Variants in SFSWAP observed in about 807,000 individuals in gnomAD.
SFSWAP encodes the protein splicing factor SWAP.
A neutral mutation model predicts 100.7 loss-of-function variants in SFSWAP; 17 were observed. The ratio of observed to expected loss-of-function variants is 0.17; its 90% CI spans 0.12 to 0.25. The LOEUF (loss-of-function observed/expected upper bound fraction) is 0.25. SFSWAP is among the 10% of genes least tolerant of loss of function. The probability of loss-of-function intolerance (pLI) is 1.00; values close to 1 mark genes in which losing one functional copy is unlikely to be tolerated. For missense variants in SFSWAP, 1,005 were observed against 1,262.6 expected (o/e 0.80, Z 3.09); for synonymous variants, 504 against 510.1 (o/e 0.99, Z 0.16).
intron 13 of SFSWAP, 150 bp downstream of exon 13, chr12:131,766,458 C>T: frequency 2.7e-6 from 2 of 737,382 alleles, no homozygotes; most frequent in East Asian, 2.6e-5. Flanking sequence ...GTGGCTTTTA[C>T]TCTATAGCAG....
intron 3 of SFSWAP, among the ~76,000 whole-genome samples, chr12:131,718,783 G>GAGGGGA (rs1878171721): frequency 6.6e-6 from 1 of 152,198 alleles, no homozygotes; most frequent in Non-Finnish European, 1.5e-5. Flanking sequence ...AAGAGCAGCG[G>GAGGGGA]AGGGGAAAAG....
chr12:131,729,527 T>G (rs1879307029), intron 7 of SFSWAP, among the ~76,000 whole-genome samples: 1 of 152,154 alleles, frequency 6.6e-6, no homozygotes, highest in Non-Finnish European at 1.5e-5. Context: ...AAAAAGAGGC[T>G]TACAGCATAA....
intron 6 of SFSWAP, among the ~76,000 whole-genome samples, chr12:131,727,997 A>G (rs994830078): frequency 5.3e-5 from 8 of 152,244 alleles, no homozygotes; most frequent in African/African-American, 1.9e-4. Context: ...GACAGTTTCA[A>G]ATTTTGCATG....
intron 13 of SFSWAP, among the ~76,000 whole-genome samples, chr12:131,777,578 A>G (rs201733911): frequency 6.6e-6 from 1 of 152,260 alleles, no homozygotes; most frequent in African/African-American, 2.4e-5. Context: ...AATCTTTGCT[A>G]TTGTGAAGAG....
In SFSWAP at chr12:131,778,699, G is replaced by A. The variant is rs903290269; in HGVS notation, c.2408+369G>A. Among the ~76,000 whole-genome samples the A allele has an allele frequency of 2.6e-5, 4 of 152,048 alleles. No homozygotes were observed. Among genetic ancestry groups the A allele is most frequent in the Non-Finnish European group, 5.9e-5 (4 of 68,006 alleles). ...CGCCTGGCTAATTTTTGTATTTTTAGTAGAGACGGGGTTTCACCGTGTCGG... is the reference window on the plus strand; with the variant it reads ...CGCCTGGCTAATTTTTGTATTTTTAATAGAGACGGGGTTTCACCGTGTCGG... On this transcript the variant is annotated intron_variant, in intron 14 of 17. Transcript: ENST00000261674. The surrounding 1 kb of genome is among the most constrained non-coding windows in gnomAD (Gnocchi z 4.2).
At chr12:131,782,150 C>G (rs1566054085) in intron 14 of SFSWAP, among the ~76,000 whole-genome samples, 1 of 152,160 alleles carries the variant, frequency 6.6e-6, no homozygotes, top group Admixed American at 6.5e-5. Context: ...GACAAAAGAA[C>G]AAGAAGAAGA....
intron 15 of SFSWAP, among the ~76,000 whole-genome samples, chr12:131,788,002 T>C (rs1449169252): frequency 6.6e-6 from 1 of 152,250 alleles, no homozygotes; most frequent in Non-Finnish European, 1.5e-5. Context: ...ATGTCTGCTC[T>C]CATACAATCT....
chr12:131,736,536 A>C (rs1880035078), intron 7 of SFSWAP, among the ~76,000 whole-genome samples: 1 of 152,180 alleles, frequency 6.6e-6, no homozygotes, highest in Non-Finnish European at 1.5e-5. Context: ...TACGGTTTTT[A>C]AAGACTCACC....
chr12:131,779,891 A>T (rs1234739038), intron 14 of SFSWAP, among the ~76,000 whole-genome samples: 1 of 152,142 alleles, frequency 6.6e-6, no homozygotes, highest in Non-Finnish European at 1.5e-5. Flanking sequence ...GGTTCAAGTG[A>T]TTCTTCTGCC....
At position 131,737,526 on chromosome 12, in the gene SFSWAP, A is replaced by G. The variant is rs538774257; in HGVS notation, c.1081+9098A>G. ...CTGTATTTTAATAATACGTGCTTTTATCATTTTGTTTCATCAGCTCAGTGT... is the reference window on the plus strand; with the variant it reads ...CTGTATTTTAATAATACGTGCTTTTGTCATTTTGTTTCATCAGCTCAGTGT... On this transcript the variant is annotated intron_variant, in intron 7 of 17. Transcript: ENST00000261674. Among the ~76,000 whole-genome samples, 7 of 152,244 alleles carry G rather than the reference A, an allele frequency of 4.6e-5. No individual in the cohort carries two copies. The East Asian group carries it at 1.3e-3, about 29-fold the overall frequency.
chr12:131,739,872 G>A (rs1003796264), intron 7 of SFSWAP, among the ~76,000 whole-genome samples: 2 of 152,038 alleles, frequency 1.3e-5, no homozygotes, highest in Admixed American at 6.6e-5. Flanking sequence ...TTTTATGGTT[G>A]ACTGGATTCG....
At chr12:131,771,853 G>C (rs1160633715) in intron 13 of SFSWAP, among the ~76,000 whole-genome samples, 2 of 152,054 alleles carry the variant, frequency 1.3e-5, no homozygotes, top group Non-Finnish European at 2.9e-5. Context: ...AGTAGAGACA[G>C]GGTTTCACCA....
rs753576578 is a variant in SFSWAP at position 131,714,671 on chromosome 12, T to C, written c.389-151T>C. 16 of 668,490 alleles carry C rather than the reference T, an allele frequency of 2.4e-5. No homozygotes were observed. The highest frequency in any genetic ancestry group is 5.9e-5 in the South Asian group (3 of 50,770). The allele number at this position is 668,490 out of a possible 1,614,324, so 41.4% of individuals were successfully genotyped here. A position where few individuals can be genotyped will look rare whatever the true frequency, so the allele number is the denominator to read the frequency against. On this transcript the variant is annotated intron_variant, in intron 2 of 17. Transcript: ENST00000261674. The surrounding 1 kb of genome is among the most constrained non-coding windows in gnomAD (Gnocchi z 6.0). Reference sequence around the variant, plus strand: ...TGACAAAAGTACATAATGATAGATATAAAGTGTGAATTTTTAAAACTATTT... The same window carrying C: ...TGACAAAAGTACATAATGATAGATACAAAGTGTGAATTTTTAAAACTATTT...
intron 7 of SFSWAP, among the ~76,000 whole-genome samples, chr12:131,737,501 CTG>C (rs1357416481): frequency 6.6e-6 from 1 of 152,192 alleles, no homozygotes; most frequent in Admixed American, 6.5e-5. Context: ...CCTTACAACT[CTG>C]TATTTTAATA....
At chr12:131,722,910 C>T (rs1340741016) in intron 4 of SFSWAP, among the ~76,000 whole-genome samples, 1 of 152,116 alleles carries the variant, frequency 6.6e-6, no homozygotes, top group Non-Finnish European at 1.5e-5. Flanking sequence ...TACGGTACTG[C>T]TGCACTCCAG....
intron 7 of SFSWAP, among the ~76,000 whole-genome samples, chr12:131,737,475 G>T (rs553408053): frequency 1.3e-5 from 2 of 152,272 alleles, no homozygotes; most frequent in East Asian, 3.9e-4. Flanking sequence ...GACTAAACTG[G>T]TATCCTGAGT....
rs889951998 is a variant in SFSWAP at position 131,730,236 on chromosome 12, A to G, written c.1081+1808A>G. Among the ~76,000 whole-genome samples the G allele has an allele frequency of 3.3e-5, 5 of 152,208 alleles. No homozygotes were observed. The highest frequency in any genetic ancestry group is 7.3e-5 in the Non-Finnish European group (5 of 68,036). On this transcript the variant is annotated intron_variant, in intron 7 of 17. Coordinates refer to ENST00000261674, the MANE Select transcript of SFSWAP (RefSeq NM_004592.4). This position sits in a 1 kb window ranked among gnomAD's most constrained non-coding sequence, Gnocchi z 4.0. ...CCTGTGAAGCTCCCGCCCTGGAGTCATGGGGCGCTGTGCTCTGCCCAGGAT... is the reference window on the plus strand; with the variant it reads ...CCTGTGAAGCTCCCGCCCTGGAGTCGTGGGGCGCTGTGCTCTGCCCAGGAT...
At chr12:131,716,979 G>T (rs1041894314) in intron 3 of SFSWAP, among the ~76,000 whole-genome samples, 1 of 152,092 alleles carries the variant, frequency 6.6e-6, no homozygotes, top group African/African-American at 2.4e-5. Context: ...TTTTCTTTCT[G>T]TAATCGTGTT....
intron 11 of SFSWAP, among the ~76,000 whole-genome samples, chr12:131,758,901 A>G (rs969756784): frequency 6.6e-6 from 1 of 152,214 alleles, no homozygotes; most frequent in Non-Finnish European, 1.5e-5. Flanking sequence ...CCTGGACAAC[A>G]TCGTGAGACC....
Sources: allele counts gnomAD v4.1 joint callset (sites outside exome capture counted in the v4.1 genomes callset), GRCh38; gene constraint gnomAD v4.1.1; non-coding constraint Gnocchi (gnomAD v3.1); transcripts MANE v1.5; gene names NCBI Gene and HGNC (gene_info 2026-07-23, HGNC 2026-07-21).